MOB3B: variants seen among roughly 807,000 people sequenced by gnomAD.
MOB3B encodes the protein MOB kinase activator 3B.
In MOB3B, 7 loss-of-function variants were observed where a neutral mutation model predicts 18.7. The observed-to-expected ratio is 0.37, with a 90% CI of 0.21 to 0.70. The LOEUF (loss-of-function observed/expected upper bound fraction) is 0.70, where lower values mean the gene tolerates loss of function less well. MOB3B is among the 30% of genes least tolerant of loss of function. The probability of loss-of-function intolerance (pLI) is 0.52; values close to 1 mark genes in which losing one functional copy is unlikely to be tolerated. For synonymous variants in MOB3B, 111 were observed against 99.9 expected (o/e 1.11, Z -0.66); for missense variants, 253 against 281.3 (o/e 0.90, Z 0.72).
At chr9:27,494,640 G>T (rs992001839) in intron 1 of MOB3B, among the ~76,000 whole-genome samples, 2 of 152,092 alleles carry the variant, frequency 1.3e-5, no homozygotes, top group Non-Finnish European at 2.9e-5. Context: ...TCAGCCTCCT[G>T]AGTAGCTGGG....
chr9:27,497,912 CA>C (rs1233193222), intron 1 of MOB3B, among the ~76,000 whole-genome samples: 5 of 152,170 alleles, frequency 3.3e-5, no homozygotes, highest in Admixed American at 2.6e-4. Flanking sequence ...TTTAGTAAAT[CA>C]AAATGAAACT....
chr9:27,502,621 G>C (rs1353342834), intron 1 of MOB3B, among the ~76,000 whole-genome samples: 1 of 152,170 alleles, frequency 6.6e-6, no homozygotes, highest in Non-Finnish European at 1.5e-5. Flanking sequence ...CACGGCCAGG[G>C]CAGCCATCAG....
At chr9:27,335,049 C>T (rs957679343) in intron 3 of MOB3B, among the ~76,000 whole-genome samples, 18 of 152,322 alleles carry the variant, frequency 1.2e-4, no homozygotes, top group African/African-American at 3.8e-4. Flanking sequence ...TCGTGATCCG[C>T]CTGCCTTGGC....
intron 2 of MOB3B, among the ~76,000 whole-genome samples, chr9:27,384,139 A>G (rs1433559108): frequency 6.6e-6 from 1 of 152,020 alleles, no homozygotes; most frequent in African/African-American, 2.4e-5. Flanking sequence ...AAACTTTGAC[A>G]GCCCTGCAAG....
At chr9:27,412,572 T>C (rs1822086925) in intron 2 of MOB3B, among the ~76,000 whole-genome samples, 1 of 152,216 alleles carries the variant, frequency 6.6e-6, no homozygotes, top group South Asian at 2.1e-4. Flanking sequence ...CTCTCCCTTT[T>C]CTTGTTTCTA....
At chr9:27,476,124 T>A (rs989509259) in intron 1 of MOB3B, among the ~76,000 whole-genome samples, 1 of 152,234 alleles carries the variant, frequency 6.6e-6, no homozygotes, top group African/African-American at 2.4e-5. Context: ...ATCTGCTCTA[T>A]CCACAGTGGC....
chr9:27,336,618 A>G (rs1417672199), intron 3 of MOB3B, among the ~76,000 whole-genome samples: 2 of 152,094 alleles, frequency 1.3e-5, no homozygotes, highest in Non-Finnish European at 2.9e-5. Context: ...CAGGGCAGTG[A>G]GCAGTACGCC....
chr9:27,450,761 T>C (rs1296837539), intron 2 of MOB3B, among the ~76,000 whole-genome samples: 1 of 152,202 alleles, frequency 6.6e-6, no homozygotes, highest in Non-Finnish European at 1.5e-5. Flanking sequence ...GTATTAGCTG[T>C]ACAACCTAAG....
At chr9:27,480,936 C>T (rs539074368) in intron 1 of MOB3B, among the ~76,000 whole-genome samples, 1 of 151,850 alleles carries the variant, frequency 6.6e-6, no homozygotes, top group African/African-American at 2.4e-5. Flanking sequence ...GAAACGATGC[C>T]TTGTGGAGTT....
intron 1 of MOB3B, among the ~76,000 whole-genome samples, chr9:27,458,703 A>G (rs927233915): frequency 6.6e-6 from 1 of 151,002 alleles, no homozygotes; most frequent in South Asian, 2.1e-4. Flanking sequence ...GGTGCATGCC[A>G]CAATGCCTGG....
chr9:27,413,076 T>C (rs1349553639), intron 2 of MOB3B, among the ~76,000 whole-genome samples: 1 of 152,234 alleles, frequency 6.6e-6, no homozygotes, highest in African/African-American at 2.4e-5. Context: ...TTCTGTCTCC[T>C]GCTCCCACCC....
chr9:27,431,312 A>T (rs571474845), intron 2 of MOB3B, among the ~76,000 whole-genome samples: 2 of 152,158 alleles, frequency 1.3e-5, no homozygotes, highest in Non-Finnish European at 2.9e-5. Flanking sequence ...GTTAAAGCTA[A>T]CTCCTGATCT....
At chr9:27,464,820 C>A (rs1819353641) in intron 1 of MOB3B, among the ~76,000 whole-genome samples, 2 of 152,100 alleles carry the variant, frequency 1.3e-5, no homozygotes, top group South Asian at 4.2e-4. Context: ...AAAGAGACCC[C>A]TGATAAACCC....
chr9:27,480,050 C>G (rs1450352171), intron 1 of MOB3B, among the ~76,000 whole-genome samples: 1 of 137,136 alleles, frequency 7.3e-6, no homozygotes, highest in Non-Finnish European at 1.5e-5. Flanking sequence ...GAGCAAGATA[C>G]TGTCTCTTTA....
At chr9:27,528,783 G>C (rs548531948) in intron 1 of MOB3B, among the ~76,000 whole-genome samples, 7 of 152,308 alleles carry the variant, frequency 4.6e-5, no homozygotes, top group South Asian at 2.1e-4. Flanking sequence ...AGCGCGAGGG[G>C]GGGGATCCCG....
chr9:27,425,648 T>C (rs1822317275), intron 2 of MOB3B, among the ~76,000 whole-genome samples: 1 of 152,230 alleles, frequency 6.6e-6, no homozygotes, highest in Non-Finnish European at 1.5e-5. Flanking sequence ...TCAGGCTTTT[T>C]CTAGACTTCA....
intron 2 of MOB3B, among the ~76,000 whole-genome samples, chr9:27,397,760 C>T (rs1390142996): frequency 6.6e-6 from 1 of 152,178 alleles, no homozygotes; most frequent in Non-Finnish European, 1.5e-5. Flanking sequence ...AATTAACTTG[C>T]TCTTTTAGAT....
At chr9:27,356,135 G>A (rs1821188147) in intron 3 of MOB3B, among the ~76,000 whole-genome samples, 1 of 152,052 alleles carries the variant, frequency 6.6e-6, no homozygotes, top group South Asian at 2.1e-4. Flanking sequence ...TATAGGGTTT[G>A]GTTAGTGTAA....
At chr9:27,389,324 G>C (rs1269437255) in intron 2 of MOB3B, among the ~76,000 whole-genome samples, 1 of 147,132 alleles carries the variant, frequency 6.8e-6, no homozygotes, top group Admixed American at 6.8e-5. Flanking sequence ...TGCTTTATGT[G>C]CTCTGCCTCC....
Sources: allele counts gnomAD v4.1 joint callset (sites outside exome capture counted in the v4.1 genomes callset), GRCh38; gene constraint gnomAD v4.1.1; transcripts MANE v1.5; gene names NCBI Gene and HGNC (gene_info 2026-07-23, HGNC 2026-07-21).